The following MAPKAP1 variants were observed in gnomAD, a reference collection of about 807,000 sequenced individuals.
The protein encoded by MAPKAP1 is target of rapamycin complex 2 subunit MAPKAP1.
Under a neutral mutation model 65.7 loss-of-function variants are expected in MAPKAP1, and 20 were observed. The observed-to-expected ratio is 0.30, with a 90% CI of 0.21 to 0.44. The LOEUF (loss-of-function observed/expected upper bound fraction) is 0.44, where lower values mean the gene tolerates loss of function less well. Ranked by LOEUF, MAPKAP1 falls within the 20% of genes least tolerant of loss-of-function variation. The pLI, the probability that MAPKAP1 is intolerant of heterozygous loss-of-function variation, is 1.00. For synonymous variants in MAPKAP1, 222 were observed against 244.3 expected (o/e 0.91, Z 0.85); for missense variants, 423 against 648.0 (o/e 0.65, Z 3.77).
intron 3 of MAPKAP1, among the ~76,000 whole-genome samples, chr9:125,665,365 T>C (rs1047747199): frequency 2.6e-5 from 4 of 152,096 alleles, no homozygotes; most frequent in South Asian, 2.1e-4. Flanking sequence ...ACATACTATA[T>C]ACCCTGAGCT....
chr9:125,635,455 C>T (rs958300015), intron 4 of MAPKAP1, among the ~76,000 whole-genome samples: 1 of 152,224 alleles, frequency 6.6e-6, no homozygotes, highest in Admixed American at 6.5e-5. Flanking sequence ...ACCCTATGTT[C>T]AGGCTGATCT....
intron 1 of MAPKAP1, among the ~76,000 whole-genome samples, chr9:125,682,841 A>G (rs1834862106): frequency 6.6e-6 from 1 of 152,256 alleles, no homozygotes; most frequent in South Asian, 2.1e-4. Flanking sequence ...ACAAATATTT[A>G]TAAGGCACTT....
intron 7 of MAPKAP1, among the ~76,000 whole-genome samples, chr9:125,522,945 C>A (rs1393407016): frequency 6.6e-6 from 1 of 152,176 alleles, no homozygotes; most frequent in Non-Finnish European, 1.5e-5. Flanking sequence ...AAAATCACAT[C>A]CCTCCTTTTT....
intron 4 of MAPKAP1, among the ~76,000 whole-genome samples, chr9:125,645,953 T>C (rs913694681): frequency 2.0e-5 from 3 of 152,128 alleles, no homozygotes; most frequent in Admixed American, 6.6e-5. Context: ...AATAAAATTT[T>C]TAAAAATTTT....
At chr9:125,658,404 A>T (rs1834093787) in intron 3 of MAPKAP1, among the ~76,000 whole-genome samples, 1 of 152,258 alleles carries the variant, frequency 6.6e-6, no homozygotes. Context: ...ACAGTAGCTA[A>T]CATTTATTTA....
chr9:125,460,136 T>C (rs1853429772), intron 10 of MAPKAP1, among the ~76,000 whole-genome samples: 1 of 152,100 alleles, frequency 6.6e-6, no homozygotes. Context: ...TCTTCTGATA[T>C]TAAAATCAAG....
chr9:125,459,219 C>T (rs1418482971), intron 10 of MAPKAP1, among the ~76,000 whole-genome samples: 2 of 149,340 alleles, frequency 1.3e-5, no homozygotes, highest in African/African-American at 2.5e-5. Context: ...AGACGATGGG[C>T]GGCGGGGCAG....
intron 3 of MAPKAP1, 70 bp from the exon 4 acceptor site, chr9:125,657,869 G>A: frequency 6.8e-7 from 1 of 1,480,606 alleles, no homozygotes; most frequent in Non-Finnish European, 9.3e-7. Flanking sequence ...TCCCTAAAAA[G>A]TCTTCCTTAG....
At chr9:125,507,943 G>C (rs1269118376) in intron 7 of MAPKAP1, among the ~76,000 whole-genome samples, 1 of 152,068 alleles carries the variant, frequency 6.6e-6, no homozygotes, top group East Asian at 1.9e-4. Context: ...AGCACTTCGG[G>C]GGGACCAATT....
At chr9:125,669,253 G>A (rs1395355486) in intron 3 of MAPKAP1, among the ~76,000 whole-genome samples, 1 of 151,904 alleles carries the variant, frequency 6.6e-6, no homozygotes, top group Non-Finnish European at 1.5e-5. Flanking sequence ...GGCCACGGTG[G>A]GTGGATTACT....
At chr9:125,642,412 G>C (rs1564597850) in intron 4 of MAPKAP1, among the ~76,000 whole-genome samples, 1 of 152,116 alleles carries the variant, frequency 6.6e-6, no homozygotes, top group African/African-American at 2.4e-5. Context: ...CTATGGGCTG[G>C]TAAGATCCTG....
intron 4 of MAPKAP1, among the ~76,000 whole-genome samples, chr9:125,602,951 GAGGTGTA>G (rs1832342788): frequency 6.6e-6 from 1 of 152,150 alleles, no homozygotes; most frequent in Non-Finnish European, 1.5e-5. Flanking sequence ...CTGGAGTACA[GAGGTGTA>G]AACATGGCTC....
chr9:125,651,741 T>C (rs1378115228), intron 4 of MAPKAP1, among the ~76,000 whole-genome samples: 1 of 152,218 alleles, frequency 6.6e-6, no homozygotes, highest in Admixed American at 6.5e-5. Flanking sequence ...GGAGAACTCT[T>C]ACTGAAAGGA....
rs1481755443 is a variant in MAPKAP1 at position 125,625,053 on chromosome 9, A to G, written c.498+32598T>C. Among the ~76,000 whole-genome samples the G allele has an allele frequency of 2.5e-4, 19 of 76,276 alleles. 2 individuals are homozygous for G. The highest frequency in any genetic ancestry group is 8.4e-4 in the African/African-American group (18 of 21,456). The allele number at this position is 76,276 out of a possible 152,430, so 50.0% of individuals were successfully genotyped here. ...ATGCTTGAAGGCAGCATGCTCGTTA[A>G]GAGTCATCACCACTCCCTAATCTCA... On this transcript the variant is annotated intron_variant, in intron 4 of 11. Transcript: ENST00000265960.
At chr9:125,542,821 TG>T in intron 7 of MAPKAP1, 1 of 635,938 alleles carries the variant, frequency 1.6e-6, no homozygotes, top group South Asian at 1.4e-5. Flanking sequence ...AAATTATTAA[TG>T]AAGGAACTTC....
intron 4 of MAPKAP1, among the ~76,000 whole-genome samples, chr9:125,646,208 T>A (rs1189812767): frequency 6.6e-6 from 1 of 152,132 alleles, no homozygotes; most frequent in African/African-American, 2.4e-5. Flanking sequence ...GTATTATAAA[T>A]GCCTGGGATA....
chr9:125,438,861 G>T lies in MAPKAP1; in HGVS notation c.*26C>A. The T allele has an allele frequency of 1.2e-6, 2 of 1,613,938 alleles. No homozygotes were observed. Among genetic ancestry groups the T allele is most frequent in the South Asian group, 2.2e-5 (2 of 91,006 alleles). ...CCTGGCAGGCAGGCTCTGAGCTACG[G>T]AACAGATTGAGGCTGGAGGCCAGTG... On this transcript the variant is annotated 3_prime_UTR_variant, in exon 12 of 12. Coordinates refer to ENST00000265960, the MANE Select transcript of MAPKAP1 (RefSeq NM_001006617.3).
At chr9:125,506,520 A>C (rs1322998794) in intron 7 of MAPKAP1, 103 bp from the exon 8 acceptor site, 3 of 948,416 alleles carry the variant, frequency 3.2e-6, no homozygotes, top group Non-Finnish European at 5.0e-6. Flanking sequence ...AGCCTTAGTA[A>C]AGTGTTAAAG....
intron 7 of MAPKAP1, 61 bp downstream of exon 7, chr9:125,542,997 CT>C (rs747267409): frequency 1.8e-5 from 20 of 1,090,794 alleles, no homozygotes; most frequent in Admixed American, 6.7e-5. Flanking sequence ...CACACACCCC[CT>C]ATGCCCTTTT....
Sources: allele counts gnomAD v4.1 joint callset (sites outside exome capture counted in the v4.1 genomes callset), GRCh38; gene constraint gnomAD v4.1.1; transcripts MANE v1.5; gene names NCBI Gene and HGNC (gene_info 2026-07-23, HGNC 2026-07-21).